GOLPH3: variants seen among roughly 807,000 people sequenced by gnomAD.
GOLPH3 encodes golgi phosphoprotein 3, also known as coat protein GPP34.
Under a neutral mutation model 28.5 loss-of-function variants are expected in GOLPH3, and 14 were observed. That is an observed-to-expected ratio of 0.49 (90% CI 0.32 to 0.77). The LOEUF is 0.77. Among genes scored for constraint, GOLPH3 ranks in the 30% least tolerant of loss-of-function variants. The pLI, the probability that GOLPH3 is intolerant of heterozygous loss-of-function variation, is 0.03. For synonymous variants in GOLPH3, 158 were observed against 159.2 expected (o/e 0.99, Z 0.06); for missense variants, 350 against 393.7 (o/e 0.89, Z 0.94).
chr5:32,168,805 G>A lies in GOLPH3; in HGVS notation c.225+5005C>T, dbSNP rs566942038. ...TGACAAAACAGCAGGGGAATAATAT[G>A]CTTCAAGAGTGCATCCTAGAGCCGG... On this transcript the variant is annotated intron_variant, in intron 1 of 3. Coordinates refer to ENST00000265070, the MANE Select transcript of GOLPH3 (RefSeq NM_022130.4). 2.3e-4 allele frequency among the ~76,000 whole-genome samples: 35 copies of A among 152,248 alleles called. 1 individual carries two copies. The South Asian group carries it at 6.6e-3, about 29-fold the overall frequency.
rs1246676765 is a variant in GOLPH3 at position 32,134,212 on chromosome 5, AT to A, written c.472+1359del. ...CAGCAAGGTCCTATCTCTACAAAAA[AT>A]TTTTTTTCTTGAGACGGGGTCTCAC... On this transcript the variant is annotated intron_variant, in intron 3 of 3. Transcript: ENST00000265070. Among the ~76,000 whole-genome samples, 20 of 151,616 alleles carry A rather than the reference AT, an allele frequency of 1.3e-4. No individual in the cohort carries two copies. In the South Asian group the frequency reaches 4.0e-3, roughly 30 times the overall value.
At chr5:32,161,275 C>T (rs534899047) in intron 1 of GOLPH3, among the ~76,000 whole-genome samples, 4 of 150,198 alleles carry the variant, frequency 2.7e-5, no homozygotes, top group African/African-American at 5.0e-5. Context: ...TAGTGGCGCA[C>T]GCCTGTAGTC....
At chr5:32,158,002 TAAATAAATAAATAAATAAAATAC>T (rs1746470151) in intron 1 of GOLPH3, among the ~76,000 whole-genome samples, 1 of 85,954 alleles carries the variant, frequency 1.2e-5, no homozygotes, top group African/African-American at 4.7e-5. Flanking sequence ...AATAAATAAA[TAAATAAATAAATAAATAAAATAC>T]ACACACACAC....
intron 2 of GOLPH3, among the ~76,000 whole-genome samples, chr5:32,140,802 CAAAAA>C (rs553950121): frequency 2.7e-5 from 2 of 73,676 alleles, no homozygotes; most frequent in Non-Finnish European, 2.9e-5. Context: ...ACTCTGTCTC[CAAAAA>C]AAAAAAAAAA....
intron 1 of GOLPH3, among the ~76,000 whole-genome samples, chr5:32,159,602 G>GT (rs149580775): frequency 1.3e-5 from 2 of 152,176 alleles, no homozygotes; most frequent in Non-Finnish European, 2.9e-5. Flanking sequence ...TTCACTAGTG[G>GT]TTTTTTAAAG....
At chr5:32,129,217 C>A (rs1021728398) in intron 3 of GOLPH3, among the ~76,000 whole-genome samples, 7 of 151,754 alleles carry the variant, frequency 4.6e-5, no homozygotes, top group African/African-American at 1.7e-4. Context: ...AAAACAAAAC[C>A]AAAAAAACCC....
At chr5:32,136,467 G>A (rs1192676099) in intron 2 of GOLPH3, among the ~76,000 whole-genome samples, 1 of 145,542 alleles carries the variant, frequency 6.9e-6, no homozygotes, top group Non-Finnish European at 1.5e-5. Flanking sequence ...GGCAACAAGA[G>A]CAAAACTCCG....
intron 1 of GOLPH3, 178 bp downstream of exon 1, chr5:32,173,632 G>C (rs1333552479): frequency 5.0e-6 from 2 of 401,104 alleles, no homozygotes; most frequent in Non-Finnish European, 8.6e-6. Context: ...AGCCGCGCCA[G>C]GGGGTCAACC....
chr5:32,131,994 A>C (rs977576204), intron 3 of GOLPH3, among the ~76,000 whole-genome samples: 31 of 152,136 alleles, frequency 2.0e-4, no homozygotes, highest in African/African-American at 7.5e-4. Context: ...ATCTCTACAA[A>C]AAAATACAAA....
At chr5:32,130,501 T>C (rs1745804048) in intron 3 of GOLPH3, among the ~76,000 whole-genome samples, 1 of 152,202 alleles carries the variant, frequency 6.6e-6, no homozygotes, top group African/African-American at 2.4e-5. Context: ...AACCTAAGTA[T>C]AGCAGAATAA....
At chr5:32,155,956 CAAAAAAAAAAAAAAAAAAAAAAA>C (rs70961608) in intron 1 of GOLPH3, among the ~76,000 whole-genome samples, 5,903 of 47,962 alleles carry the variant, frequency 0.12, 639 homozygotes, top group African/African-American at 0.31. Context: ...AACACTGTCT[CAAAAAAAAAAAAAAAAAAAAAAA>C]AAAAAAAAAA....
At chr5:32,141,938 TGATCTCGG>T (rs1746073638) in intron 2 of GOLPH3, among the ~76,000 whole-genome samples, 1 of 151,840 alleles carries the variant, frequency 6.6e-6, no homozygotes, top group African/African-American at 2.4e-5. Flanking sequence ...CGCAGTGGCG[TGATCTCGG>T]CTCGCTACAA....
chr5:32,173,346 A>G (rs138127483), intron 1 of GOLPH3, among the ~76,000 whole-genome samples: 109 of 147,784 alleles, frequency 7.4e-4, no homozygotes, highest in African/African-American at 2.7e-3. Flanking sequence ...GAAGAAGAAG[A>G]AAAAAAAAAC....
chr5:32,134,544 C>T (rs1258459774), intron 3 of GOLPH3, among the ~76,000 whole-genome samples: 1 of 150,810 alleles, frequency 6.6e-6, no homozygotes, highest in Non-Finnish European at 1.5e-5. Context: ...AAAAACTCAG[C>T]GAGGCATGGT....
Position 32,126,546 on chromosome 5 carries a change from G to T in GOLPH3, c.563C>A (p.Thr188Lys). The change falls in exon 4 of 4, where the codon ACA (threonine) becomes AAA (lysine). Residue 188 changes from threonine (T) to lysine (K), a missense_variant. Coordinates refer to ENST00000265070, the MANE Select transcript of GOLPH3 (RefSeq NM_022130.4). ...AAGTAGGAAGTTCTGTTTCTCTGTTGTCAATACACCCTTTTCCACCAGGTT... is the reference window on the plus strand; with the variant it reads ...AAGTAGGAAGTTCTGTTTCTCTGTTTTCAATACACCCTTTTCCACCAGGTT... Reference protein sequence around the residue: ...AKNLVEKGVLTTEKQNFLLFD... With the variant: ...AKNLVEKGVLKTEKQNFLLFD... 3 of 1,614,094 alleles carry T rather than the reference G, an allele frequency of 1.9e-6. No homozygotes were observed. Among genetic ancestry groups the T allele is most frequent in the Non-Finnish European group, 2.5e-6 (3 of 1,179,996 alleles).
rs764278389 is a variant in GOLPH3 at position 32,173,793 on chromosome 5, G to A, written c.225+17C>T. 7.3e-6 allele frequency: 10 copies of A among 1,364,448 alleles called. No homozygotes were observed. The South Asian group carries it at 1.8e-4, about 25-fold the overall frequency. 84.5% of individuals were successfully genotyped at this position (1,364,448 alleles called of 1,614,324 possible). A position where few individuals can be genotyped will look rare whatever the true frequency, so the allele number is the denominator to read the frequency against. ...GCCCCGCGCCGCCGCCCCCCGCCCA[G>A]CCCGCCGCGCCCGCACCTCGCGGTC... On this transcript the variant is annotated intron_variant, in intron 1 of 3. Transcript: ENST00000265070.
intron 2 of GOLPH3, among the ~76,000 whole-genome samples, chr5:32,139,228 T>C (rs540030953): frequency 1.3e-5 from 2 of 152,338 alleles, no homozygotes; most frequent in South Asian, 4.1e-4. Flanking sequence ...AAATGCAGTA[T>C]AACAATTGTT....
chr5:32,141,357 T>A (rs1434884843), intron 2 of GOLPH3, among the ~76,000 whole-genome samples: 1 of 152,142 alleles, frequency 6.6e-6, no homozygotes, highest in Non-Finnish European at 1.5e-5. Context: ...AAAAACAGTA[T>A]TAAATATTTG....
intron 1 of GOLPH3, among the ~76,000 whole-genome samples, chr5:32,160,469 T>C (rs1746547856): frequency 6.6e-6 from 1 of 152,176 alleles, no homozygotes; most frequent in Non-Finnish European, 1.5e-5. Context: ...ATGACTAATA[T>C]ACAAAGGCAT....
Sources: allele counts gnomAD v4.1 joint callset (sites outside exome capture counted in the v4.1 genomes callset), GRCh38; gene constraint gnomAD v4.1.1; transcripts MANE v1.5; gene names NCBI Gene and HGNC (gene_info 2026-07-23, HGNC 2026-07-21).